The following MPPED1 variants were observed in gnomAD, a reference collection of about 807,000 sequenced individuals.
The protein encoded by MPPED1 is metallophosphoesterase domain-containing protein 1.
Under a neutral mutation model 36.2 loss-of-function variants are expected in MPPED1, and 16 were observed. The observed-to-expected ratio is 0.44, with a 90% CI of 0.30 to 0.67. MPPED1 has a LOEUF of 0.67. Among genes scored for constraint, MPPED1 ranks in the 30% least tolerant of loss-of-function variants. The pLI is 0.10. For synonymous variants in MPPED1, 199 were observed against 191.3 expected (o/e 1.04, Z -0.33); for missense variants, 307 against 453.4 (o/e 0.68, Z 2.93).
At chr22:43,428,516 G>C (rs1270524687) in intron 2 of MPPED1, among the ~76,000 whole-genome samples, 2 of 152,192 alleles carry the variant, frequency 1.3e-5, no homozygotes, top group Non-Finnish European at 1.5e-5. Flanking sequence ...ATGGCGAGTC[G>C]GCTGCTCCCT....
chr22:43,440,075 G>A (rs569007638), intron 3 of MPPED1, among the ~76,000 whole-genome samples: 9 of 152,250 alleles, frequency 5.9e-5, no homozygotes, highest in Non-Finnish European at 1.3e-4. Context: ...CCAGCCAGCG[G>A]AGCCCTGGAC....
intron 3 of MPPED1, among the ~76,000 whole-genome samples, chr22:43,462,351 C>T (rs948793223): frequency 2.0e-5 from 3 of 152,314 alleles, no homozygotes; most frequent in East Asian, 3.9e-4. Flanking sequence ...AGCCTCCTCC[C>T]GAGGCCTGGT....
intron 4 of MPPED1, among the ~76,000 whole-genome samples, chr22:43,496,280 G>C (rs1254606054): frequency 6.5e-4 from 41 of 63,280 alleles, no homozygotes; most frequent in Non-Finnish European, 8.6e-4. Context: ...GGTGGAGATG[G>C]TGGTGGTGGA....
At chr22:43,484,124 T>C (rs1002970608) in intron 4 of MPPED1, among the ~76,000 whole-genome samples, 7 of 152,256 alleles carry the variant, frequency 4.6e-5, no homozygotes, top group African/African-American at 1.7e-4. Flanking sequence ...GCATGTTGCC[T>C]TGTATTTCTG....
intron 4 of MPPED1, among the ~76,000 whole-genome samples, chr22:43,490,572 G>C (rs1487268805): frequency 6.6e-6 from 1 of 152,174 alleles, no homozygotes; most frequent in African/African-American, 2.4e-5. Context: ...ATATGTTTCC[G>C]AGTGTTTCCT....
intron 2 of MPPED1, 60 bp downstream of exon 2, chr22:43,425,269 G>C (rs1269838772): frequency 1.4e-6 from 2 of 1,480,414 alleles, no homozygotes; most frequent in African/African-American, 2.8e-5. Context: ...GTGGGTGCAT[G>C]GTCTCGGGTG....
intron 4 of MPPED1, among the ~76,000 whole-genome samples, chr22:43,490,349 G>A (rs1276704266): frequency 1.3e-5 from 2 of 152,328 alleles, no homozygotes; most frequent in African/African-American, 2.4e-5. Flanking sequence ...GGGCCTCCCT[G>A]TGTGACCCTG....
Position 43,474,666 on chromosome 22 carries a change from C to T in MPPED1, c.407-70C>T, listed in dbSNP as rs1030736410. Reference sequence around the variant, plus strand: ...AGCTTCCTCCTGCCCGCCCCTCTCTCAGCCGTGCTGTGGCTTCTGGACAAG... The same window carrying T: ...AGCTTCCTCCTGCCCGCCCCTCTCTTAGCCGTGCTGTGGCTTCTGGACAAG... On this transcript the variant is annotated intron_variant, in intron 3 of 6. Coordinates refer to ENST00000443721, the MANE Select transcript of MPPED1 (RefSeq NM_001044370.2). This position sits in a 1 kb window ranked among gnomAD's most constrained non-coding sequence, Gnocchi z 5.2. The T allele has an allele frequency of 1.3e-6, 2 of 1,583,994 alleles. No homozygotes were observed. The highest frequency in any genetic ancestry group is 1.7e-6 in the Non-Finnish European group (2 of 1,154,786).
At chr22:43,479,068 G>C (rs1001497424) in intron 4 of MPPED1, among the ~76,000 whole-genome samples, 1 of 152,104 alleles carries the variant, frequency 6.6e-6, no homozygotes. Flanking sequence ...AGTGGGGTGT[G>C]GGGGGGTTGT....
At chr22:43,492,024 ATGGAGGTGG>A (rs1932121220) in intron 4 of MPPED1, among the ~76,000 whole-genome samples, 1 of 130,812 alleles carries the variant, frequency 7.6e-6, no homozygotes, top group African/African-American at 2.9e-5. Flanking sequence ...GTTGGTGATG[ATGGAGGTGG>A]TGGAGGTGGT....
intron 3 of MPPED1, among the ~76,000 whole-genome samples, chr22:43,440,144 C>T (rs1352539737): frequency 6.6e-6 from 1 of 152,258 alleles, no homozygotes; most frequent in Non-Finnish European, 1.5e-5. Context: ...CCCTGTCTGT[C>T]AGCTGGCCAT....
Position 43,505,766 on chromosome 22 carries a change from A to C in MPPED1, c.*150A>C. The C allele has an allele frequency of 1.6e-6, 1 of 635,028 alleles. No individual in the cohort carries two copies. The highest frequency in any genetic ancestry group is 2.8e-6 in the Non-Finnish European group (1 of 361,072). The allele number at this position is 635,028 out of a possible 1,614,324, so 39.3% of individuals were successfully genotyped here. ...GGTCAGGGCCTTGGAACGACTCTTT[A>C]GCCTTCTGTCACCTGGAGTTGGGAC... On this transcript the variant is annotated 3_prime_UTR_variant, in exon 7 of 7. Coordinates refer to ENST00000443721, the MANE Select transcript of MPPED1 (RefSeq NM_001044370.2).
chr22:43,491,687 G>GATT (rs1326926575), intron 4 of MPPED1, among the ~76,000 whole-genome samples: 1 of 146,606 alleles, frequency 6.8e-6, no homozygotes, highest in African/African-American at 2.6e-5. Context: ...TGGTGGTTAT[G>GATT]GAGGTGGTGG....
At chr22:43,418,400 T>A (rs750830574) in intron 1 of MPPED1, 18 of 327,684 alleles carry the variant, frequency 5.5e-5, no homozygotes, top group Non-Finnish European at 1.0e-4. Flanking sequence ...TCCTCACACA[T>A]CTTCGGACAG....
rs527689660 is a variant in MPPED1, at chr22:43,446,781, C to T, written c.406+11566C>T. 5.3e-5 allele frequency among the ~76,000 whole-genome samples: 8 copies of T among 152,192 alleles called. No homozygotes were observed. In the South Asian group the frequency reaches 1.2e-3, roughly 24 times the overall value. On this transcript the variant is annotated intron_variant, in intron 3 of 6. Coordinates refer to ENST00000443721, the MANE Select transcript of MPPED1 (RefSeq NM_001044370.2). ...GCGCAAGGCTGAAGCTGCTACTTGC[C>T]TTTGGTTTGCAATCATTCATTCACT...
At chr22:43,424,110 G>A (rs1026959383) in intron 1 of MPPED1, among the ~76,000 whole-genome samples, 2 of 152,146 alleles carry the variant, frequency 1.3e-5, no homozygotes, top group African/African-American at 2.4e-5. Context: ...GCACTTCCCC[G>A]TGAAAAAGAT....
chr22:43,466,097 T>A (rs1931161264), intron 3 of MPPED1, among the ~76,000 whole-genome samples: 1 of 152,242 alleles, frequency 6.6e-6, no homozygotes, highest in Non-Finnish European at 1.5e-5. Context: ...TAGGACTGAA[T>A]GTTCCTGTTT....
At chr22:43,466,381 T>C (rs1402828674) in intron 3 of MPPED1, among the ~76,000 whole-genome samples, 1 of 152,152 alleles carries the variant, frequency 6.6e-6, no homozygotes, top group Non-Finnish European at 1.5e-5. Flanking sequence ...AGCTGCTGTG[T>C]GCCCAGGTAG....
intron 1 of MPPED1, among the ~76,000 whole-genome samples, chr22:43,423,281 A>G (rs1359306738): frequency 2.0e-5 from 3 of 152,194 alleles, no homozygotes; most frequent in African/African-American, 7.2e-5. Context: ...GCGTCCTGAA[A>G]CTTGGCATCT....
Sources: gnomAD v4.1 joint callset for allele counts (sites outside exome capture counted in the v4.1 genomes callset) on GRCh38, gnomAD v4.1.1 for gene constraint, Gnocchi (gnomAD v3.1) non-coding constraint, MANE v1.5 for transcripts, NCBI Gene and HGNC (gene_info 2026-07-23, HGNC 2026-07-21) for gene names.